VWDE: variants seen among roughly 807,000 people sequenced by gnomAD.
VWDE encodes the protein von Willebrand factor D and EGF domain-containing protein.
A neutral mutation model predicts 178.4 loss-of-function variants in VWDE; 207 were observed. The observed-to-expected ratio is 1.16, with a 90% confidence interval of 1.04 to 1.30. VWDE has a LOEUF of 1.30. Among genes scored for constraint, VWDE ranks in the 50% most tolerant of loss-of-function variants. The pLI is 0.00. For missense variants in VWDE, 2,287 were observed against 1,901.3 expected (o/e 1.20, Z -3.77); for synonymous variants, 738 against 651.4 (o/e 1.13, Z -2.02).
At chr7:12,403,164 A>T (rs1009963542) in intron 1 of VWDE, among the ~76,000 whole-genome samples, 6 of 152,214 alleles carry the variant, frequency 3.9e-5, no homozygotes, top group South Asian at 2.1e-4. Context: ...ACCATAATAC[A>T]GTATAATACG....
chr7:12,368,093 G>A (rs1293297085), intron 12 of VWDE, among the ~76,000 whole-genome samples: 1 of 150,992 alleles, frequency 6.6e-6, no homozygotes, highest in African/African-American at 2.4e-5. Context: ...TTAAAGCCTG[G>A]GTTACTTCAG....
chr7:12,376,423 T>G (rs1159488218), intron 7 of VWDE, among the ~76,000 whole-genome samples: 1 of 152,092 alleles, frequency 6.6e-6, no homozygotes, highest in Non-Finnish European at 1.5e-5. Context: ...TTTTTAATTC[T>G]CAGAGAATAA....
At chr7:12,388,886 A>G in intron 3 of VWDE, 1 of 672,330 alleles carries the variant, frequency 1.5e-6, no homozygotes, top group Non-Finnish European at 2.8e-6. Context: ...CATTATGTCC[A>G]GTGGAAAAAT....
intron 1 of VWDE, among the ~76,000 whole-genome samples, chr7:12,398,911 G>A (rs943998129): frequency 6.6e-6 from 1 of 152,052 alleles, no homozygotes; most frequent in African/African-American, 2.4e-5. Flanking sequence ...GGAAGGAAGA[G>A]GGTAAGGGTT....
At chr7:12,333,352 C>T in intron 28 of VWDE, 113 bp downstream of exon 28, 1 of 699,398 alleles carries the variant, frequency 1.4e-6, no homozygotes, top group Admixed American at 3.4e-5. Context: ...CAAATAAATG[C>T]TTTTTTTATT....
chr7:12,402,609 G>C (rs1056062776), intron 1 of VWDE, among the ~76,000 whole-genome samples: 1 of 152,006 alleles, frequency 6.6e-6, no homozygotes, highest in African/African-American at 2.4e-5. Flanking sequence ...TTATCTAACT[G>C]TAATGAACAG....
chr7:12,377,312 G>A (rs550042931), intron 7 of VWDE, among the ~76,000 whole-genome samples: 1 of 152,242 alleles, frequency 6.6e-6, no homozygotes, highest in South Asian at 2.1e-4. Context: ...ACGTACGTTA[G>A]GGAGAGAAAC....
At chr7:12,349,800 G>C (rs920369419) in intron 19 of VWDE, among the ~76,000 whole-genome samples, 1 of 151,954 alleles carries the variant, frequency 6.6e-6, no homozygotes, top group African/African-American at 2.4e-5. Flanking sequence ...ACAGTGGAAA[G>C]ATACAACTAA....
In VWDE at chr7:12,403,776, G is replaced by C; in HGVS notation, c.-60C>G. On this transcript the variant is annotated 5_prime_UTR_variant, in exon 1 of 29. In the 5' UTR this introduces an upstream ATG that the reference lacks. Coordinates refer to ENST00000275358, the MANE Select transcript of VWDE (RefSeq NM_001135924.3). The stretch of plus-strand genomic sequence containing the variant: ...GAGCCCGGGCCGCGGGTGCCAGGAG[G>C]ATGGGGCCACAGCAGCCCCTCGGGC... 2.0e-6 allele frequency: 3 copies of C among 1,526,878 alleles called. No individual in the cohort carries two copies. The highest frequency in any genetic ancestry group is 2.0e-5 in the Admixed American group (1 of 50,774). 94.6% of individuals were successfully genotyped at this position (1,526,878 alleles called of 1,614,324 possible).
intron 1 of VWDE, among the ~76,000 whole-genome samples, chr7:12,395,219 G>C (rs1202893120): frequency 6.6e-6 from 1 of 151,348 alleles, no homozygotes; most frequent in Non-Finnish European, 1.5e-5. Flanking sequence ...TGTGTAGATA[G>C]GAGTCAAGGG....
rs1196187488 is a variant in VWDE, at chr7:12,356,124, T to C, written c.3732A>G (p.Pro1244=). 7.7e-6 allele frequency: 12 copies of C among 1,551,168 alleles called. No homozygotes were observed. The East Asian group carries it at 2.9e-4, about 38-fold the overall frequency. The change falls in exon 18 of 29, where the codon CCA becomes CCG. Residue 1244 remains proline (P), a synonymous_variant. Coordinates refer to ENST00000275358, the MANE Select transcript of VWDE (RefSeq NM_001135924.3). ...SGFHSYSCDC[P]PELKVETQFV... is the part of the protein sequence containing the mutation. ...GCAAAATCTTACCTTTGAGCTCAGG[T>C]GGACAATCACAGGAATAACTGTGAA...
chr7:12,402,976 T>A (rs1486492212), intron 1 of VWDE, among the ~76,000 whole-genome samples: 2 of 152,170 alleles, frequency 1.3e-5, no homozygotes, highest in African/African-American at 2.4e-5. Flanking sequence ...TTAATATTCC[T>A]ATCTGTATGA....
intron 18 of VWDE, 134 bp downstream of exon 18, chr7:12,355,977 T>C (rs550884502): frequency 1.3e-6 from 1 of 774,594 alleles, no homozygotes; most frequent in African/African-American, 1.8e-5. Context: ...AGTAATTATA[T>C]TTGTAATAAC....
intron 3 of VWDE, among the ~76,000 whole-genome samples, chr7:12,386,394 T>G (rs117150987): frequency 6.6e-6 from 1 of 152,280 alleles, no homozygotes; most frequent in Non-Finnish European, 1.5e-5. Flanking sequence ...GTGTACAGAA[T>G]GTGAAGGTTT....
intron 7 of VWDE, among the ~76,000 whole-genome samples, chr7:12,375,826 G>C (rs112139862): frequency 4.6e-5 from 7 of 151,796 alleles, no homozygotes; most frequent in African/African-American, 1.7e-4. Context: ...ATGCTCCCTC[G>C]CTTCGATAAC....
At chr7:12,385,326 G>A (rs1393195503) in intron 3 of VWDE, among the ~76,000 whole-genome samples, 1 of 152,084 alleles carries the variant, frequency 6.6e-6, no homozygotes, top group Non-Finnish European at 1.5e-5. Flanking sequence ...ACAGCAATAC[G>A]TCCAAGTAAA....
In VWDE at chr7:12,342,138, G is replaced by T. The variant is rs1319591169; in HGVS notation, c.4191C>A (p.His1397Gln). The T allele has an allele frequency of 6.4e-7, 1 of 1,551,420 alleles. No individual in the cohort carries two copies. The highest frequency in any genetic ancestry group is 2.0e-5 in the Admixed American group (1 of 50,994). ...PRCETMVCNR[H>Q]CENGGQCLTP... ...TAAGACACTGGCCTCCATTTTCACA[G>T]TGCCTGTTACAAACCACTGAGATCA... The change falls in exon 23 of 29, where the codon CAC becomes CAA. Residue 1397 changes from histidine (H) to glutamine (Q), a missense_variant. Coordinates refer to ENST00000275358, the MANE Select transcript of VWDE (RefSeq NM_001135924.3).
intron 24 of VWDE, among the ~76,000 whole-genome samples, chr7:12,337,741 G>C (rs1232096524): frequency 6.6e-6 from 1 of 152,078 alleles, no homozygotes; most frequent in Non-Finnish European, 1.5e-5. Context: ...CTTTATATGT[G>C]ACTTATTCCA....
chr7:12,390,989 T>A (rs1470101), intron 2 of VWDE, among the ~76,000 whole-genome samples: 3 of 151,992 alleles, frequency 2.0e-5, no homozygotes, highest in African/African-American at 2.4e-5. Flanking sequence ...TCCACACATA[T>A]GGTGATGGTT....
Sources: gnomAD v4.1 joint callset for allele counts (sites outside exome capture counted in the v4.1 genomes callset) on GRCh38, gnomAD v4.1.1 for gene constraint, MANE v1.5 for transcripts, NCBI Gene and HGNC (gene_info 2026-07-23, HGNC 2026-07-21) for gene names.